The following DNAAF9 variants were observed in gnomAD, a reference collection of about 807,000 sequenced individuals.
DNAAF9 encodes the protein shulin.
In DNAAF9, 90 loss-of-function variants were observed where a neutral mutation model predicts 167.0. The observed-to-expected ratio is 0.54, with a 90% CI of 0.45 to 0.64. The LOEUF (loss-of-function observed/expected upper bound fraction) is 0.64. Ranked by LOEUF, DNAAF9 falls within the 30% of genes least tolerant of loss-of-function variation. The pLI is 0.00. For synonymous variants in DNAAF9, 491 were observed against 508.8 expected (o/e 0.96, Z 0.47); for missense variants, 1,315 against 1,442.2 (o/e 0.91, Z 1.43).
At position 3,280,890 on chromosome 20, in the gene DNAAF9, C is replaced by T. The variant is rs80062672; in HGVS notation, c.2612+751G>A. 5.2e-3 allele frequency among the ~76,000 whole-genome samples: 788 copies of T among 152,254 alleles called. 3 individuals carry two copies. The highest frequency in any genetic ancestry group is 8.8e-3 in the Non-Finnish European group (597 of 68,018). ...CCATCTTCCAAGTGTGCTGAGATTACAGGCATGAGCCACTGTGCCCTGCCT... is the reference window on the plus strand; with the variant it reads ...CCATCTTCCAAGTGTGCTGAGATTATAGGCATGAGCCACTGTGCCCTGCCT... On this transcript the variant is annotated intron_variant, in intron 28 of 36. Coordinates refer to ENST00000252032, the MANE Select transcript of DNAAF9 (RefSeq NM_001009984.3).
chr20:3,268,281 C>T (rs183009512), intron 30 of DNAAF9, among the ~76,000 whole-genome samples: 9 of 151,538 alleles, frequency 5.9e-5, no homozygotes, highest in Admixed American at 2.6e-4. Context: ...GTGATACGCC[C>T]GCCTCGCCCT....
Position 3,314,060 on chromosome 20 carries a change from C to A in DNAAF9, c.1678+973G>T, listed in dbSNP as rs147585259. 4.0e-3 allele frequency among the ~76,000 whole-genome samples: 609 copies of A among 152,284 alleles called. 9 individuals carry two copies. Among genetic ancestry groups the A allele is most frequent in the African/African-American group, 0.014 (580 of 41,552 alleles). On this transcript the variant is annotated intron_variant, in intron 20 of 36. Coordinates refer to ENST00000252032, the MANE Select transcript of DNAAF9 (RefSeq NM_001009984.3). ...TGAAGTCTATGCCAGTCCCACCTTG[C>A]ATGTTGGGAGGGCTGCAGGCAGATG...
intron 25 of DNAAF9, among the ~76,000 whole-genome samples, chr20:3,293,099 C>T (rs1017173335): frequency 2.0e-5 from 3 of 151,230 alleles, no homozygotes; most frequent in Non-Finnish European, 4.4e-5. Context: ...AAAGACCATC[C>T]TGGCTAACAC....
intron 6 of DNAAF9, among the ~76,000 whole-genome samples, chr20:3,373,634 AAAC>A (rs1400479724): frequency 6.6e-6 from 1 of 152,262 alleles, no homozygotes; most frequent in African/African-American, 2.4e-5. Flanking sequence ...TCTGAGGTAC[AAAC>A]AACAACAAGT....
intron 29 of DNAAF9, among the ~76,000 whole-genome samples, chr20:3,275,292 G>T (rs964400317): frequency 8.5e-5 from 13 of 152,336 alleles, no homozygotes; most frequent in Non-Finnish European, 7.3e-5. Flanking sequence ...AGCAAAGGTT[G>T]AGGGAAGATC....
Position 3,348,571 on chromosome 20 carries a change from G to A in DNAAF9, c.743C>T (p.Thr248Ile). 6.2e-7 allele frequency: 1 copy of A among 1,604,764 alleles called. No individual in the cohort carries two copies. Among genetic ancestry groups the A allele is most frequent in the Non-Finnish European group, 8.5e-7 (1 of 1,174,422 alleles). The change falls in exon 8 of 37, where the codon ACA becomes ATA. Residue 248 changes from threonine (T) to isoleucine (I), a missense_variant. Around this residue, in one of 2 missense-constraint regions of DNAAF9, gnomAD observed 981 missense variants for 1,012.5 expected, o/e 0.97. Coordinates refer to ENST00000252032, the MANE Select transcript of DNAAF9 (RefSeq NM_001009984.3). ...AAGTTCTAGCAGGAAAGGAATTTCT[G>A]TGTCAAAATTAGCGAAGAAGCTAGT... Reference protein sequence around the residue: ...QWTSFFANFDTEIPFLLELSE... With the variant: ...QWTSFFANFDIEIPFLLELSE...
intron 20 of DNAAF9, among the ~76,000 whole-genome samples, chr20:3,308,049 A>G (rs958695808): frequency 1.3e-4 from 19 of 151,420 alleles, no homozygotes; most frequent in Admixed American, 6.6e-5. Context: ...TAAGAAATTG[A>G]GCATTACTAG....
intron 1 of DNAAF9, among the ~76,000 whole-genome samples, chr20:3,385,249 C>T (rs931413636): frequency 6.6e-6 from 1 of 151,880 alleles, no homozygotes; most frequent in African/African-American, 2.4e-5. Context: ...AAGTAAAAGA[C>T]ACATAGACTG....
intron 8 of DNAAF9, among the ~76,000 whole-genome samples, chr20:3,347,366 C>T (rs985872506): frequency 1.3e-5 from 2 of 151,928 alleles, no homozygotes; most frequent in Non-Finnish European, 2.9e-5. Flanking sequence ...AAGAATTTAT[C>T]ATCAGAAGAT....
chr20:3,407,316 G>A (rs945757333), intron 1 of DNAAF9, among the ~76,000 whole-genome samples, 159 bp downstream of exon 1: 9 of 152,190 alleles, frequency 5.9e-5, no homozygotes, highest in African/African-American at 2.2e-4. Flanking sequence ...CCTCTACAGA[G>A]GGCGCCGTTC....
intron 13 of DNAAF9, among the ~76,000 whole-genome samples, 180 bp from the exon 14 acceptor site, chr20:3,325,148 G>A (rs1199999087): frequency 1.3e-5 from 2 of 152,188 alleles, no homozygotes; most frequent in Non-Finnish European, 2.9e-5. Flanking sequence ...TCATGTTAAG[G>A]GAAAGAAGGG....
chr20:3,388,099 A>G (rs1047333303), intron 1 of DNAAF9, among the ~76,000 whole-genome samples: 11 of 151,592 alleles, frequency 7.3e-5, no homozygotes, highest in Non-Finnish European at 1.5e-5. Context: ...AAAAGGGCAA[A>G]GAACATTTCT....
At chr20:3,384,401 C>G (rs1266912318) in intron 1 of DNAAF9, 1 of 152,166 alleles carries the variant, frequency 6.6e-6, no homozygotes, top group Non-Finnish European at 1.5e-5. Context: ...TGTTTTCTTC[C>G]TCTGGGAGAG....
chr20:3,378,456 T>C (rs991805578), intron 3 of DNAAF9, among the ~76,000 whole-genome samples: 3 of 152,194 alleles, frequency 2.0e-5, no homozygotes, highest in South Asian at 4.1e-4. Flanking sequence ...TCAATGCTCA[T>C]GGGTGAAGTA....
intron 7 of DNAAF9, 48 bp downstream of exon 7, chr20:3,359,468 G>T: frequency 8.2e-7 from 1 of 1,217,140 alleles, no homozygotes; most frequent in Non-Finnish European, 1.2e-6. Flanking sequence ...GCAGGTAACT[G>T]AGCTGGACGT....
rs533450021 is a variant in DNAAF9, at chr20:3,298,118, G to A, written c.1840C>T (p.His614Tyr). ...GATCCATGGAAATGAACTGGGAGGT[G>A]AGGAAGCAATGAGCTTTTGAAGTCT... ...LIDFKSSLLP[H>Y]LPVHFHGSSN... Residue 614 changes from histidine to tyrosine, a missense_variant, in exon 22 of 37, where the codon CAC (histidine) becomes TAC (tyrosine). By Grantham distance (83) the His-to-Tyr change is moderately conservative. Coordinates refer to ENST00000252032, the MANE Select transcript of DNAAF9 (RefSeq NM_001009984.3). 13 of 1,612,852 alleles carry A rather than the reference G, an allele frequency of 8.1e-6. No individual in the cohort carries two copies. In the East Asian group the frequency reaches 2.9e-4, roughly 36 times the overall value.
intron 7 of DNAAF9, among the ~76,000 whole-genome samples, chr20:3,349,508 C>T (rs1219021859): frequency 1.3e-5 from 2 of 152,158 alleles, no homozygotes; most frequent in East Asian, 3.9e-4. Flanking sequence ...CACATCTGAG[C>T]AGCTTTGTTG....
intron 29 of DNAAF9, among the ~76,000 whole-genome samples, chr20:3,278,524 G>A (rs763438831): frequency 1.3e-5 from 2 of 152,106 alleles, no homozygotes; most frequent in Non-Finnish European, 2.9e-5. Context: ...TTCAAGACCA[G>A]CCTGGCCAAC....
chr20:3,289,845 C>T (rs573733907), intron 26 of DNAAF9, among the ~76,000 whole-genome samples: 74 of 152,272 alleles, frequency 4.9e-4, no homozygotes, highest in Admixed American at 7.9e-4. Context: ...TAGAACTTTT[C>T]ACTAGTTAAT....
Sources: allele counts gnomAD v4.1 joint callset (sites outside exome capture counted in the v4.1 genomes callset), GRCh38; gene constraint gnomAD v4.1.1; regional missense constraint gnomAD v4.1.1; transcripts MANE v1.5; gene names NCBI Gene and HGNC (gene_info 2026-07-23, HGNC 2026-07-21).